The following RNF144A variants were observed in gnomAD, a reference collection of about 807,000 sequenced individuals.
RNF144A encodes the protein ring finger protein 144A.
Under a neutral mutation model 38.7 loss-of-function variants are expected in RNF144A, and 11 were observed. That is an observed-to-expected ratio of 0.28 (90% CI 0.18 to 0.47). The LOEUF (loss-of-function observed/expected upper bound fraction) is 0.47, where lower values mean the gene tolerates loss of function less well. RNF144A is among the 20% of genes least tolerant of loss of function. The pLI, the probability that RNF144A is intolerant of heterozygous loss-of-function variation, is 0.99. For missense variants in RNF144A, 316 were observed against 377.2 expected, an observed-to-expected ratio of 0.84 and a Z score of 1.34; for synonymous variants, 149 against 143.9, an observed-to-expected ratio of 1.04 and a Z score of -0.25.
downstream of RNF144A, among the ~76,000 whole-genome samples, chr2:7,047,930 C>T (rs555963266): frequency 6.6e-6 from 1 of 152,294 alleles, no homozygotes; most frequent in Admixed American, 6.5e-5. Context: ...GTCTGCCCTG[C>T]GGGGACCCAG....
At chr2:7,017,864 C>T (rs1022407002) in intron 5 of RNF144A, among the ~76,000 whole-genome samples, 1 of 152,202 alleles carries the variant, frequency 6.6e-6, no homozygotes, top group African/African-American at 2.4e-5. Context: ...GCAGTCAGAG[C>T]GGCCGTTTGT....
At chr2:6,987,595 G>A (rs923976552) in intron 2 of RNF144A, among the ~76,000 whole-genome samples, 7 of 152,306 alleles carry the variant, frequency 4.6e-5, no homozygotes, top group African/African-American at 1.7e-4. Flanking sequence ...TGCAGTTGAG[G>A]TGCTCCCAAT....
chr2:7,007,287 A>G (rs953663371), intron 3 of RNF144A, among the ~76,000 whole-genome samples: 6 of 152,382 alleles, frequency 3.9e-5, no homozygotes, highest in African/African-American at 1.4e-4. Context: ...TCATGATGGG[A>G]TAGAATGATC....
At chr2:7,056,570 C>T (rs1464315381) in intron 6 of RNF144A, among the ~76,000 whole-genome samples, 1 of 152,210 alleles carries the variant, frequency 6.6e-6, no homozygotes, top group African/African-American at 2.4e-5. Context: ...TCTTAACTCT[C>T]TTCTAGGTCA....
At chr2:6,938,692 A>G (rs1452338569) in intron 1 of RNF144A, among the ~76,000 whole-genome samples, 6 of 152,214 alleles carry the variant, frequency 3.9e-5, no homozygotes, top group African/African-American at 1.4e-4. Context: ...GGGTCTTTTC[A>G]GTACCCTCCA....
intron 2 of RNF144A, among the ~76,000 whole-genome samples, chr2:6,979,093 A>G (rs1448870): frequency 0.47 from 71,000 of 151,978 alleles, 17,248 homozygotes; most frequent in Non-Finnish European, 0.55. Flanking sequence ...ATTGGAGTCT[A>G]AGTTCTAGAA....
chr2:6,925,372 A>G (rs115623394), intron 1 of RNF144A, among the ~76,000 whole-genome samples: 1 of 152,290 alleles, frequency 6.6e-6, no homozygotes, highest in African/African-American at 2.4e-5. Flanking sequence ...GGCCAGGTGT[A>G]TTAGGAAAAA....
the RNF144A span, among the ~76,000 whole-genome samples, chr2:7,075,391 C>T: frequency 6.6e-6 from 1 of 151,750 alleles, no homozygotes; most frequent in African/African-American, 2.4e-5. Context: ...TGACACAGTG[C>T]TATGGATTGA....
chr2:7,024,462 G>C lies in RNF144A; in HGVS notation c.603G>C (p.Met201Ile). The C allele has an allele frequency of 1.2e-6, 2 of 1,612,656 alleles. No individual in the cohort carries two copies. Among genetic ancestry groups the C allele is most frequent in the Non-Finnish European group, 1.7e-6 (2 of 1,178,692 alleles). Residue 201 changes from methionine to isoleucine, a missense_variant, in exon 7 of 9, where the codon ATG becomes ATC. Transcript: ENST00000320892. ...YIERDEGCAQMMCKNCKHAFC... is the reference protein window; with the variant it reads ...YIERDEGCAQIMCKNCKHAFC... ...AGCGAGACGAAGGCTGCGCGCAGATGATGTGCAAGAACTGCAAGCACGCCT... is the reference window on the plus strand; with the variant it reads ...AGCGAGACGAAGGCTGCGCGCAGATCATGTGCAAGAACTGCAAGCACGCCT...
rs114128419 is a variant in RNF144A at position 7,067,541 on chromosome 2, A to C, written c.735-675A>C. On this transcript the variant is annotated intron_variant, in intron 6 of 6. Coordinates refer to the RNF144A transcript ENST00000432850. ...GAAACTGAGTTTCCGACTATTAAAA[A>C]AATCCCCTCATTAAATGCCTGACTG... is the stretch of plus-strand genomic sequence containing the variant. Among the ~76,000 whole-genome samples the C allele has an allele frequency of 2.6e-3, 401 of 152,288 alleles. 2 individuals are homozygous for C. The highest frequency in any genetic ancestry group is 9.3e-3 in the African/African-American group (387 of 41,544).
chr2:7,066,869 G>A (rs2103483185), intron 6 of RNF144A, among the ~76,000 whole-genome samples: 1 of 152,314 alleles, frequency 6.6e-6, no homozygotes, highest in East Asian at 1.9e-4. Context: ...AACAGCCTGA[G>A]AGCAAGTCCT....
At chr2:7,050,587 T>C (rs1026664135) in intron 6 of RNF144A, among the ~76,000 whole-genome samples, 11 of 133,724 alleles carry the variant, frequency 8.2e-5, no homozygotes, top group African/African-American at 2.9e-4. Context: ...TGGGGCATTC[T>C]CTGTTTCCAT....
chr2:6,918,700 C>A (rs1474360562), intron 1 of RNF144A: 1 of 126,796 alleles, frequency 7.9e-6, no homozygotes, highest in Non-Finnish European at 1.6e-5. Context: ...GAAGGCGGAG[C>A]TTGCAGTGAG....
At chr2:6,921,063 G>T (rs554940516) in intron 1 of RNF144A, among the ~76,000 whole-genome samples, 1 of 152,176 alleles carries the variant, frequency 6.6e-6, no homozygotes, top group Non-Finnish European at 1.5e-5. Context: ...ACAACCATTC[G>T]TAAGGGTTTG....
intron 3 of RNF144A, among the ~76,000 whole-genome samples, chr2:7,003,113 A>G (rs969376217): frequency 6.6e-6 from 1 of 151,082 alleles, no homozygotes; most frequent in African/African-American, 2.5e-5. Flanking sequence ...ATACACATAT[A>G]TATATTTGTA....
rs1247930945 is a variant in RNF144A, at chr2:6,943,622, GGA to G, written c.-12+2484_-12+2485del. ...GGCTGCTGAAAACACTTCTTGAGTA[GGA>G]GAGAGAGATGGGTTTGTGGAAAAGT... On this transcript the variant is annotated intron_variant, in intron 2 of 8. Transcript: ENST00000320892. This position sits in a 1 kb window ranked among gnomAD's most constrained non-coding sequence, Gnocchi z 4.3. Among the ~76,000 whole-genome samples the G allele has an allele frequency of 1.3e-5, 2 of 152,170 alleles. No individual in the cohort carries two copies. Among genetic ancestry groups the G allele is most frequent in the Non-Finnish European group, 2.9e-5 (2 of 68,040 alleles).
chr2:7,008,556 C>T (rs1326362532), intron 3 of RNF144A, among the ~76,000 whole-genome samples: 1 of 152,214 alleles, frequency 6.6e-6, no homozygotes, highest in African/African-American at 2.4e-5. Flanking sequence ...CCCTGCCGCT[C>T]CACTCAGCAC....
intron 1 of RNF144A, among the ~76,000 whole-genome samples, chr2:6,928,273 T>C (rs778646740): frequency 3.9e-5 from 6 of 152,238 alleles, no homozygotes; most frequent in Non-Finnish European, 8.8e-5. Context: ...TAAGACGCTC[T>C]ACTGTCAAAA....
intron 8 of RNF144A, among the ~76,000 whole-genome samples, chr2:7,038,791 T>G (rs1438001384): frequency 6.6e-6 from 1 of 151,618 alleles, no homozygotes; most frequent in Non-Finnish European, 1.5e-5. Flanking sequence ...GATAGATGGG[T>G]GGATGGGTGG....
Sources: gnomAD v4.1 joint callset for allele counts (sites outside exome capture counted in the v4.1 genomes callset) on GRCh38, gnomAD v4.1.1 for gene constraint, Gnocchi (gnomAD v3.1) non-coding constraint, MANE v1.5 for transcripts, NCBI Gene and HGNC (gene_info 2026-07-23, HGNC 2026-07-21) for gene names.